Variants in TTN observed in about 807,000 individuals in gnomAD.
TTN encodes connectin.
Under a neutral mutation model 3,223.0 loss-of-function variants are expected in TTN, and 1,525 were observed. The observed-to-expected ratio is 0.47, with a 90% CI of 0.45 to 0.49. The LOEUF is 0.49. Among genes scored for constraint, TTN ranks in the 20% least tolerant of loss-of-function variants. The probability of loss-of-function intolerance (pLI) is 0.00; values close to 1 mark genes in which losing one functional copy is unlikely to be tolerated. For missense variants in TTN, 40,786 were observed against 43,424.0 expected, an observed-to-expected ratio of 0.94 and a Z score of 5.40; for synonymous variants, 14,094 against 15,161.0, an observed-to-expected ratio of 0.93 and a Z score of 5.17.
intron 350 of TTN, 33 bp downstream of exon 350, chr2:178,541,249 T>G: frequency 6.9e-7 from 1 of 1,440,688 alleles, no homozygotes; most frequent in Non-Finnish European, 9.2e-7. Context: ...AAATTGTAAC[T>G]CAATCAATTT....
rs727503695 is a variant in TTN, at chr2:178,777,732, A to G, written c.4452T>C (p.Pro1484=). The G allele has an allele frequency of 2.1e-5, 34 of 1,614,004 alleles. No homozygotes were observed. The Admixed American group carries it at 3.0e-4, about 14-fold the overall frequency. The change falls in exon 25 of 363, where the codon CCT becomes CCC. Residue 1484 remains proline (P), a synonymous_variant. Coordinates refer to ENST00000589042, the MANE Select transcript of TTN (RefSeq NM_001267550.2). ...ARFDLKVVGR[P]MPETFWFHDG... Reference sequence around the variant, plus strand: ...CATGAAACCAGAACGTCTCTGGCATAGGTCTACCAACAACCTTTAAGTCAA... The same window carrying G: ...CATGAAACCAGAACGTCTCTGGCATGGGTCTACCAACAACCTTTAAGTCAA...
In TTN at chr2:178,702,172, C is replaced by T. The variant is rs376088498; in HGVS notation, c.30507G>A (p.Thr10169=). The T allele has an allele frequency of 8.7e-6, 14 of 1,613,834 alleles. No homozygotes were observed. Among genetic ancestry groups the T allele is most frequent in the African/African-American group, 6.7e-5 (5 of 74,898 alleles). The part of the protein sequence containing the change: ...ARSTAELYLT[T]KEIKLELKPP... ...TTTCTGATGGCGCTACCTCACCTTT[C>T]GTCGTTAGGTACAGCTCTGCCGTGC... Residue 10169 remains threonine, a synonymous_variant, in exon 108 of 363, where the codon ACG becomes ACA. Transcript: ENST00000589042.
At position 178,591,596 on chromosome 2, in the gene TTN, T is replaced by G; in HGVS notation, c.60220+3A>C. The G allele has an allele frequency of 6.2e-7, 1 of 1,609,624 alleles. No individual in the cohort carries two copies. The highest frequency in any genetic ancestry group is 8.5e-7 in the Non-Finnish European group (1 of 1,178,766). On this transcript the variant is annotated splice_donor_region_variant and intron_variant, in intron 303 of 362. Transcript: ENST00000589042. Reference sequence around the variant, plus strand: ...AAGGTAATACTGCTAGTCCAAAAATTACCTAGTTTTTCTTGACATTCTATC... The same window carrying G: ...AAGGTAATACTGCTAGTCCAAAAATGACCTAGTTTTTCTTGACATTCTATC...
At chr2:178,585,408 A>C in intron 308 of TTN, 61 bp from the exon 309 acceptor site, 1 of 1,506,764 alleles carries the variant, frequency 6.6e-7, no homozygotes, top group Non-Finnish European at 8.9e-7. Context: ...TCTGGTGGAG[A>C]GCTATACTGG....
chr2:178,552,200 A>T lies in TTN; in HGVS notation c.90700T>A (p.Phe30234Ile). The T allele has an allele frequency of 6.2e-7, 1 of 1,613,686 alleles. No homozygotes were observed. The highest frequency in any genetic ancestry group is 2.2e-5 in the East Asian group (1 of 44,868). ...PPSKPKGPIRFDEIKADSVIL... is the reference protein window; with the variant it reads ...PPSKPKGPIRIDEIKADSVIL... Reference sequence around the variant, plus strand: ...ACACTATCAGCCTTGATTTCATCAAATCGAATGGGTCCTTTGGGCTTTGAT... The same window carrying T: ...ACACTATCAGCCTTGATTTCATCAATTCGAATGGGTCCTTTGGGCTTTGAT... The change falls in exon 335 of 363, where the codon TTT (phenylalanine) becomes ATT (isoleucine). Residue 30234 changes from phenylalanine to isoleucine, a missense_variant. By Grantham distance (21) the Phe-to-Ile change is conservative. Coordinates refer to ENST00000589042, the MANE Select transcript of TTN (RefSeq NM_001267550.2).
Position 178,570,325 on chromosome 2 carries a change from A to C in TTN, c.75807T>G (p.Leu25269=). The change falls in exon 326 of 363, where the codon CTT becomes CTG. Residue 25269 remains leucine, a synonymous_variant. Coordinates refer to ENST00000589042, the MANE Select transcript of TTN (RefSeq NM_001267550.2). Reference sequence around the variant, plus strand: ...GGAAAGTATATTCATTGCCTTCAAGAAGCTTAGTAACCTTGCAGCTGAGAG... The same window carrying C: ...GGAAAGTATATTCATTGCCTTCAAGCAGCTTAGTAACCTTGCAGCTGAGAG... ...VQTLSCKVTK[L]LEGNEYTFRI... The C allele has an allele frequency of 6.2e-7, 1 of 1,613,322 alleles. No homozygotes were observed. The highest frequency in any genetic ancestry group is 8.5e-7 in the Non-Finnish European group (1 of 1,179,596).
At chr2:178,763,031 G>T (rs1442104955) in intron 43 of TTN, among the ~76,000 whole-genome samples, 2 of 152,210 alleles carry the variant, frequency 1.3e-5, no homozygotes, top group Admixed American at 6.5e-5. Context: ...ACAAGGTAGA[G>T]ATTGGATTAT....
At chr2:178,669,807 G>A (rs1293719841) in intron 157 of TTN, 132 bp from the exon 158 acceptor site, 3 of 834,822 alleles carry the variant, frequency 3.6e-6, no homozygotes. Flanking sequence ...TAAGTCAAAT[G>A]TAGTCATTGC....
intron 47 of TTN, chr2:178,751,670 C>T (rs377076020): frequency 4.3e-6 from 7 of 1,613,256 alleles, no homozygotes; most frequent in African/African-American, 1.3e-5. Context: ...TAACCTATAA[C>T]TTCCAGAATC....
Position 178,608,206 on chromosome 2 carries a change from T to C in TTN, c.52677A>G (p.Ser17559=). Residue 17559 remains serine, a synonymous_variant, in exon 275 of 363, where the codon TCA becomes TCG. Transcript: ENST00000589042. ...TTGGATCATGTGCTGTTTTGGGATC[T>C]GAAGGTGGACTGAACTTTCCAGGTC... The part of the protein sequence containing the change: ...AAGPGKFSPP[S]DPKTAHDPIS... 6.2e-7 allele frequency: 1 copy of C among 1,603,910 alleles called. No individual in the cohort carries two copies. Among genetic ancestry groups the C allele is most frequent in the South Asian group, 1.1e-5 (1 of 89,696 alleles).
At chr2:178,680,741 CA>C (rs2069181020) in intron 138 of TTN, among the ~76,000 whole-genome samples, 1 of 151,816 alleles carries the variant, frequency 6.6e-6, no homozygotes, top group African/African-American at 2.4e-5. Flanking sequence ...AAACAGTTAC[CA>C]AAGCTTGGTG....
Position 178,718,579 on chromosome 2 carries a change from C to A in TTN, c.24527G>T (p.Arg8176Ile). The change falls in exon 85 of 363, where the codon AGA becomes ATA. Residue 8176 changes from arginine to isoleucine, a missense_variant. Physicochemically the swap from Arg to Ile is moderately conservative, Grantham distance 97. Coordinates refer to ENST00000589042, the MANE Select transcript of TTN (RefSeq NM_001267550.2). ...FVKEPATFVK[R>I]LADFSVETGS... ...TGTCTCAACACTGAAATCAGCCAAT[C>A]TTTTCACAAAGGTGGCTGGTTCTAT... 1 of 1,612,498 alleles carries A rather than the reference C, an allele frequency of 6.2e-7. No individual in the cohort carries two copies. Among genetic ancestry groups the A allele is most frequent in the Non-Finnish European group, 8.5e-7 (1 of 1,178,886 alleles).
rs879091326 is a variant in TTN at position 178,602,505 on chromosome 2, A to G, written c.54897T>C (p.Asp18299=). ...TGTATCCTTTGATTGGGCTGCCACC[A>G]TCTTTGGCTGGAGGTTTCCATCCTA... is the stretch of plus-strand genomic sequence containing the variant. ...ISLGWKPPAK[D]GGSPIKGYIV... Residue 18299 remains aspartate, a synonymous_variant, in exon 283 of 363, where the codon GAT becomes GAC. Transcript: ENST00000589042. 29 of 1,610,272 alleles carry G rather than the reference A, an allele frequency of 1.8e-5. No individual in the cohort carries two copies. The highest frequency in any genetic ancestry group is 2.3e-5 in the Non-Finnish European group (27 of 1,178,142).
At position 178,586,706 on chromosome 2, in the gene TTN, C is replaced by T. The variant is rs749018114; in HGVS notation, c.64195G>A (p.Asp21399Asn). The T allele has an allele frequency of 2.7e-5, 43 of 1,612,950 alleles. No homozygotes were observed. Among genetic ancestry groups the T allele is most frequent in the Non-Finnish European group, 3.1e-5 (36 of 1,179,368 alleles). The change falls in exon 308 of 363, where the codon GAT (aspartate) becomes AAT (asparagine). Residue 21399 changes from aspartate (D) to asparagine (N), a missense_variant. Physicochemically the swap from Asp to Asn is conservative, Grantham distance 23 (BLOSUM62 1). Transcript: ENST00000589042. The stretch of plus-strand genomic sequence containing the variant: ...TCTCTGTAACTAGTGATGTAGCCAT[C>T]GATTTTAGCACCTCCATCACGTAGG... ...PPLRDGGAKIDGYITSYREEE... is the reference protein window; with the variant it reads ...PPLRDGGAKINGYITSYREEE...
chr2:178,680,454 T>A (rs939083300), intron 138 of TTN, 123 bp from the exon 139 acceptor site: 11 of 804,382 alleles, frequency 1.4e-5, no homozygotes, highest in Non-Finnish European at 2.3e-5. Context: ...CATATGCGAT[T>A]GTTCATCTTT....
rs773073914 is a variant in TTN, at chr2:178,620,374, C to T, written c.46147G>A (p.Glu15383Lys). 6.2e-7 allele frequency: 1 copy of T among 1,610,976 alleles called. No individual in the cohort carries two copies. Among genetic ancestry groups the T allele is most frequent in the Non-Finnish European group, 8.5e-7 (1 of 1,178,372 alleles). Residue 15383 changes from glutamate (E) to lysine (K), a missense_variant, in exon 248 of 363, where the codon GAG becomes AAG. By Grantham distance (56) the Glu-to-Lys change is moderately conservative. Transcript: ENST00000589042. Reference protein sequence around the residue: ...VTAGQDKSVAELLIIEAPTEF... With the variant: ...VTAGQDKSVAKLLIIEAPTEF... ...GTCGGGGCTTCTATGATGAGAAGCT[C>T]AGCAACAGATTTATCTTGTCCAGCA...
chr2:178,628,532 A>G (rs1244326491), intron 240 of TTN, among the ~76,000 whole-genome samples: 1 of 152,124 alleles, frequency 6.6e-6, no homozygotes, highest in Non-Finnish European at 1.5e-5. Context: ...GACAAAACAT[A>G]TAGATCAATT....
In TTN at chr2:178,562,297, A is replaced by G. The variant is rs2154160647; in HGVS notation, c.83835T>C (p.Ser27945=). 11 of 1,613,374 alleles carry G rather than the reference A, an allele frequency of 6.8e-6. No homozygotes were observed. Among genetic ancestry groups the G allele is most frequent in the Non-Finnish European group, 5.9e-6 (7 of 1,179,666 alleles). The change falls in exon 326 of 363, where the codon AGT becomes AGC. Residue 27945 remains serine, a synonymous_variant. Transcript: ENST00000589042. The part of the protein sequence containing the change: ...RVAAVNEKGR[S]DPRQLGVPVI... ...CTGGCACTCCAAGTTGTCTTGGATC[A>G]CTTCTTCCCTTTTCGTTAACTGCAG... is the stretch of plus-strand genomic sequence containing the variant.
rs754562139 is a variant in TTN at position 178,757,870 on chromosome 2, G to C, written c.10350C>G (p.Val3450=). ...EENTSNSQWH[V]SLSVSFKKEP... ...CCTTCTTAAATGAAACTGATAAAGA[G>C]ACATGCCATTGGGAGTTTGATGTAT... Residue 3450 remains valine, a synonymous_variant, in exon 45 of 363, where the codon GTC becomes GTG. Coordinates refer to ENST00000589042, the MANE Select transcript of TTN (RefSeq NM_001267550.2). The C allele has an allele frequency of 1.3e-6, 2 of 1,549,700 alleles. No individual in the cohort carries two copies. Among genetic ancestry groups the C allele is most frequent in the East Asian group, 2.3e-5 (1 of 44,280 alleles).
Sources: gnomAD v4.1 joint callset for allele counts (sites outside exome capture counted in the v4.1 genomes callset) on GRCh38, gnomAD v4.1.1 for gene constraint, MANE v1.5 for transcripts, NCBI Gene and HGNC (gene_info 2026-07-23, HGNC 2026-07-21) for gene names.